Variants in STOX2 observed in about 807,000 individuals in gnomAD.
The protein encoded by STOX2 is storkhead box 2.
STOX2 carries 28 observed loss-of-function variants against 60.9 expected under a neutral mutation model. The ratio of observed to expected loss-of-function variants is 0.46; its 90% CI spans 0.34 to 0.63. STOX2 has a LOEUF of 0.63. STOX2 is among the 30% of genes least tolerant of loss of function. The probability of loss-of-function intolerance (pLI) is 0.01; values close to 1 mark genes in which losing one functional copy is unlikely to be tolerated. For synonymous variants in STOX2, 472 were observed against 463.9 expected (o/e 1.02, Z -0.22); for missense variants, 1,024 against 1,187.7 (o/e 0.86, Z 2.03).
intron 1 of STOX2, among the ~76,000 whole-genome samples, chr4:183,864,738 T>C (rs1004067742): frequency 2.0e-5 from 3 of 152,114 alleles, no homozygotes; most frequent in African/African-American, 7.2e-5. Flanking sequence ...TAGATAACAA[T>C]CCAAATCCAA....
At chr4:183,810,638 G>A (rs951269721) in intron 1 of STOX2, among the ~76,000 whole-genome samples, 5 of 152,192 alleles carry the variant, frequency 3.3e-5, no homozygotes, top group African/African-American at 1.2e-4. Context: ...TAGGCAATGA[G>A]TCCTTTGCCC....
At position 183,856,596 on chromosome 4, in the gene STOX2, G is replaced by A. The variant is rs554761795; in HGVS notation, c.364+58541G>A. On this transcript the variant is annotated intron_variant, in intron 1 of 2. Coordinates refer to the STOX2 transcript ENST00000513034. The surrounding 1 kb of genome is among the most constrained non-coding windows in gnomAD (Gnocchi z 4.0). ...CCCTGCTCTCAGCCACCTGCCCCTG[G>A]CTGACTGCAGCTAATGGTAGGGTGG... is the stretch of plus-strand genomic sequence containing the variant. 3.9e-5 allele frequency among the ~76,000 whole-genome samples: 6 copies of A among 152,234 alleles called. No homozygotes were observed. The highest frequency in any genetic ancestry group is 1.4e-4 in the African/African-American group (6 of 41,532).
At chr4:183,852,669 G>A (rs866805282) in intron 1 of STOX2, among the ~76,000 whole-genome samples, 1 of 152,208 alleles carries the variant, frequency 6.6e-6, no homozygotes, top group Non-Finnish European at 1.5e-5. Flanking sequence ...ATTCCCTTCA[G>A]CCATGGGAGG....
At chr4:184,006,696 A>G (rs1368148243) in intron 2 of STOX2, among the ~76,000 whole-genome samples, 9 of 150,216 alleles carry the variant, frequency 6.0e-5, no homozygotes, top group Admixed American at 2.0e-4. Context: ...AAAAAAAAAA[A>G]AAAAAAAAGG....
intron 1 of STOX2, among the ~76,000 whole-genome samples, chr4:183,929,964 C>T (rs949456042): frequency 6.6e-6 from 1 of 151,706 alleles, no homozygotes; most frequent in Admixed American, 6.6e-5. Context: ...CCCGGGTTCA[C>T]GCCATTCTCC....
At chr4:183,936,618 G>T (rs1229722631) in intron 1 of STOX2, among the ~76,000 whole-genome samples, 1 of 152,084 alleles carries the variant, frequency 6.6e-6, no homozygotes, top group Non-Finnish European at 1.5e-5. Context: ...GAAAAACCTA[G>T]ATTTTAAGAA....
At chr4:183,895,213 T>C (rs1282574037) in intron 1 of STOX2, among the ~76,000 whole-genome samples, 2 of 152,208 alleles carry the variant, frequency 1.3e-5, no homozygotes, top group Non-Finnish European at 2.9e-5. Flanking sequence ...TTGCCTGCCT[T>C]ATGCATAAGG....
intron 2 of STOX2, among the ~76,000 whole-genome samples, chr4:184,007,045 A>AAAAAAAAAAAAAAC (rs1553987519): frequency 8.4e-6 from 1 of 118,474 alleles, no homozygotes; most frequent in Non-Finnish European, 1.8e-5. Flanking sequence ...AAACAAAAAA[A>AAAAAAAAAAAAAAC]AAATTTTGTT....
chr4:184,010,365 G>A lies in STOX2; in HGVS notation c.1527G>A (p.Pro509=), dbSNP rs745671883. 1.6e-5 allele frequency: 25 copies of A among 1,612,032 alleles called. No homozygotes were observed. Among genetic ancestry groups the A allele is most frequent in the East Asian group, 6.7e-5 (3 of 44,818 alleles). Residue 509 remains proline (P), a synonymous_variant, in exon 3 of 4, where the codon CCG becomes CCA. Coordinates refer to ENST00000308497, the MANE Select transcript of STOX2 (RefSeq NM_020225.3). This position sits in a 1 kb window ranked among gnomAD's most constrained non-coding sequence, Gnocchi z 4.5. ...TGGGTGCTTCTTCTCTAGGGACGCC[G>A]GAAGACCTTGCTGAAGGCTGCAGCC... ...GPLGASSLGT[P]EDLAEGCSQD...
intron 1 of STOX2, among the ~76,000 whole-genome samples, chr4:183,990,316 T>G (rs1733046865): frequency 6.6e-6 from 1 of 152,198 alleles, no homozygotes; most frequent in Admixed American, 6.5e-5. Flanking sequence ...AAACTCCCAT[T>G]ATAGAGTTAA....
intron 1 of STOX2, among the ~76,000 whole-genome samples, chr4:183,984,465 G>A (rs756346711): frequency 4.6e-5 from 7 of 152,164 alleles, no homozygotes; most frequent in Admixed American, 4.6e-4. Context: ...ATTTGTCCAT[G>A]AGAGAGTGTG....
At chr4:183,847,769 A>G (rs141723522) in intron 1 of STOX2, among the ~76,000 whole-genome samples, 1 of 152,272 alleles carries the variant, frequency 6.6e-6, no homozygotes, top group Non-Finnish European at 1.5e-5. Flanking sequence ...AGTTCAGATT[A>G]AGTTGATTTT....
chr4:183,876,250 T>C (rs1740825746), intron 1 of STOX2, among the ~76,000 whole-genome samples: 1 of 152,180 alleles, frequency 6.6e-6, no homozygotes, highest in Non-Finnish European at 1.5e-5. Flanking sequence ...GTCTGATGCA[T>C]TACCCCTGAC....
intron 1 of STOX2, among the ~76,000 whole-genome samples, chr4:183,921,531 A>G (rs1471044249): frequency 6.6e-6 from 1 of 152,230 alleles, no homozygotes; most frequent in Non-Finnish European, 1.5e-5. Context: ...GTGGTCCAGG[A>G]GGATGGGTTC....
intron 1 of STOX2, among the ~76,000 whole-genome samples, chr4:183,808,823 G>C (rs764955693): frequency 4.6e-5 from 7 of 151,836 alleles, no homozygotes; most frequent in Non-Finnish European, 1.0e-4. Flanking sequence ...GGCTTCCCTG[G>C]GCCACATAGG....
intron 2 of STOX2, among the ~76,000 whole-genome samples, chr4:184,006,325 A>C (rs1000213555): frequency 2.6e-5 from 4 of 152,156 alleles, no homozygotes; most frequent in African/African-American, 9.7e-5. Context: ...GGCTTTAAAC[A>C]TGGGCTTGTT....
chr4:183,805,106 A>G (rs940970989), intron 1 of STOX2, among the ~76,000 whole-genome samples: 9 of 152,212 alleles, frequency 5.9e-5, no homozygotes, highest in African/African-American at 2.2e-4. Flanking sequence ...AGTTCGTTAT[A>G]TACAAACTAT....
chr4:184,006,242 A>G (rs1733819132), intron 2 of STOX2, among the ~76,000 whole-genome samples: 1 of 152,212 alleles, frequency 6.6e-6, no homozygotes, highest in Admixed American at 6.5e-5. Flanking sequence ...ATACTTATAA[A>G]TGAACCTTAC....
chr4:184,002,990 C>G (rs796680392), intron 2 of STOX2, among the ~76,000 whole-genome samples: 1 of 152,268 alleles, frequency 6.6e-6, no homozygotes, highest in Non-Finnish European at 1.5e-5. Context: ...ATTTTATTAT[C>G]TCTGAATATT....
Sources: allele counts gnomAD v4.1 joint callset (sites outside exome capture counted in the v4.1 genomes callset), GRCh38; gene constraint gnomAD v4.1.1; non-coding constraint Gnocchi (gnomAD v3.1); transcripts MANE v1.5; gene names NCBI Gene and HGNC (gene_info 2026-07-23, HGNC 2026-07-21).